The following SPTLC3 variants were observed in gnomAD, a reference collection of about 807,000 sequenced individuals.
SPTLC3 encodes serine palmitoyltransferase 3.
Under a neutral mutation model 59.3 loss-of-function variants are expected in SPTLC3, and 36 were observed. The observed-to-expected ratio is 0.61, with a 90% CI of 0.47 to 0.80. SPTLC3 has a LOEUF of 0.80. Ranked by LOEUF, SPTLC3 falls within the 30% of genes least tolerant of loss-of-function variation. SPTLC3 has a pLI of 0.00. For synonymous variants in SPTLC3, 257 were observed against 240.8 expected, an observed-to-expected ratio of 1.07 and a Z score of -0.62; for missense variants, 625 against 685.1, an observed-to-expected ratio of 0.91 and a Z score of 0.98.
At chr20:13,035,809 A>T (rs1407941577) in intron 1 of SPTLC3, among the ~76,000 whole-genome samples, 1 of 152,182 alleles carries the variant, frequency 6.6e-6, no homozygotes, top group Admixed American at 6.6e-5. Context: ...TATTTATAAA[A>T]TACATGTCAT....
At chr20:13,014,197 G>C (rs1449886104) in intron 1 of SPTLC3, among the ~76,000 whole-genome samples, 2 of 152,200 alleles carry the variant, frequency 1.3e-5, no homozygotes, top group African/African-American at 4.8e-5. Context: ...CTTTTTTCAT[G>C]ACAGAGGCTG....
intron 4 of SPTLC3, among the ~76,000 whole-genome samples, chr20:13,082,243 C>T (rs2122598317): frequency 6.6e-6 from 1 of 152,286 alleles, no homozygotes; most frequent in South Asian, 2.1e-4. Context: ...AGATGAGACA[C>T]ATGAAGCCCC....
intron 11 of SPTLC3, among the ~76,000 whole-genome samples, chr20:13,162,724 C>G (rs1366058097): frequency 2.6e-5 from 4 of 152,180 alleles, no homozygotes; most frequent in African/African-American, 7.2e-5. Context: ...TCTCGCCTTT[C>G]AGATAGAAAT....
intron 9 of SPTLC3, among the ~76,000 whole-genome samples, chr20:13,149,993 A>G (rs1477751081): frequency 6.6e-6 from 1 of 152,218 alleles, no homozygotes; most frequent in African/African-American, 2.4e-5. Flanking sequence ...TGATGAAGTC[A>G]TCTGTTCATT....
chr20:13,079,489 A>G (rs543597125), intron 4 of SPTLC3, among the ~76,000 whole-genome samples: 1 of 152,182 alleles, frequency 6.6e-6, no homozygotes, highest in Non-Finnish European at 1.5e-5. Flanking sequence ...AAAAACCACC[A>G]CCACCACCAC....
Position 13,123,597 on chromosome 20 carries a change from T to C in SPTLC3, c.1153-2994T>C, listed in dbSNP as rs142777437. 1.6e-3 allele frequency among the ~76,000 whole-genome samples: 248 copies of C among 152,310 alleles called. 1 individual carries two copies. The highest frequency in any genetic ancestry group is 5.7e-3 in the African/African-American group (237 of 41,568). On this transcript the variant is annotated intron_variant, in intron 8 of 11. Coordinates refer to ENST00000399002, the MANE Select transcript of SPTLC3 (RefSeq NM_018327.4). ...AGGCTGCACTGTAACTCCTGCGTTATATTCCCTCCAAGGGGACAGTTCCTC... is the reference window on the plus strand; with the variant it reads ...AGGCTGCACTGTAACTCCTGCGTTACATTCCCTCCAAGGGGACAGTTCCTC...
intron 2 of SPTLC3, among the ~76,000 whole-genome samples, chr20:13,070,924 C>T (rs1988411870): frequency 2.6e-5 from 4 of 152,104 alleles, no homozygotes; most frequent in African/African-American, 4.8e-5. Context: ...CCTGAGAACT[C>T]CCCAAGCATC....
chr20:13,013,050 G>A (rs546787277), intron 1 of SPTLC3, among the ~76,000 whole-genome samples: 3 of 152,356 alleles, frequency 2.0e-5, no homozygotes, highest in African/African-American at 7.2e-5. Context: ...AATAGGTCAT[G>A]TGACTTTTGA....
At chr20:13,079,869 T>C (rs1568592202) in intron 4 of SPTLC3, 1 of 406,282 alleles carries the variant, frequency 2.5e-6, no homozygotes, top group Non-Finnish European at 5.1e-6. Context: ...CTGTTGGAGG[T>C]GAGGCAGCCT....
chr20:13,043,225 C>A (rs557149349), intron 1 of SPTLC3, among the ~76,000 whole-genome samples: 1 of 152,292 alleles, frequency 6.6e-6, no homozygotes, highest in South Asian at 2.1e-4. Context: ...ATGGCCCTCT[C>A]GTTAGCTCCA....
At chr20:13,134,851 T>C (rs113049824) in intron 9 of SPTLC3, among the ~76,000 whole-genome samples, 1 of 152,180 alleles carries the variant, frequency 6.6e-6, no homozygotes, top group African/African-American at 2.4e-5. Flanking sequence ...TTTGGATCCA[T>C]TTCTTTAAAT....
chr20:13,141,474 G>T (rs1246131345), intron 9 of SPTLC3, among the ~76,000 whole-genome samples: 1 of 152,096 alleles, frequency 6.6e-6, no homozygotes, highest in East Asian at 1.9e-4. Flanking sequence ...ATACAAAACT[G>T]GTTTCCTACA....
rs749277943 is a variant in SPTLC3, at chr20:13,049,015, T to C, written c.188T>C (p.Met63Thr). ...TTTGAGGAAGCACCCCTTCATGTTA[T>C]GGTTTTCACTTACATGGGATATGGA... is the stretch of plus-strand genomic sequence containing the variant. ...ESFEEAPLHV[M>T]VFTYMGYGIG... The change falls in exon 2 of 12, where the codon ATG becomes ACG. Residue 63 changes from methionine to threonine, a missense_variant. Physicochemically the swap from Met to Thr is moderately conservative, Grantham distance 81. Transcript: ENST00000399002. 8 of 1,611,540 alleles carry C rather than the reference T, an allele frequency of 5.0e-6. No individual in the cohort carries two copies. The Admixed American group carries it at 8.4e-5, about 17-fold the overall frequency.
At chr20:13,153,591 A>G (rs1205693191) in intron 9 of SPTLC3, among the ~76,000 whole-genome samples, 2 of 152,200 alleles carry the variant, frequency 1.3e-5, no homozygotes, top group African/African-American at 4.8e-5. Flanking sequence ...AGCTTAGCTA[A>G]AAAGCATCTA....
At position 13,024,141 on chromosome 20, in the gene SPTLC3, C is replaced by T. The variant is rs57276564; in HGVS notation, c.117+14757C>T. ...CAACCACGTGAGGTTGATACTGTTA[C>T]TATCGTCATTTTTTAGATGACTAAA... On this transcript the variant is annotated intron_variant, in intron 1 of 11. Coordinates refer to ENST00000399002, the MANE Select transcript of SPTLC3 (RefSeq NM_018327.4). 3.2e-3 allele frequency among the ~76,000 whole-genome samples: 480 copies of T among 152,306 alleles called. 9 individuals carry two copies. Among genetic ancestry groups the T allele is most frequent in the Admixed American group, 0.021 (318 of 15,306 alleles).
intron 8 of SPTLC3, among the ~76,000 whole-genome samples, chr20:13,124,737 G>C (rs956738865): frequency 1.3e-5 from 2 of 152,182 alleles, no homozygotes; most frequent in African/African-American, 4.8e-5. Context: ...GAGAAACTGT[G>C]AATGTTGAAA....
intron 4 of SPTLC3, among the ~76,000 whole-genome samples, chr20:13,078,743 TC>T (rs57160486): frequency 0.047 from 7,090 of 152,194 alleles, 557 homozygotes; most frequent in African/African-American, 0.16. Flanking sequence ...CTTCTGGGTT[TC>T]AAGCTGTGAC....
intron 1 of SPTLC3, among the ~76,000 whole-genome samples, chr20:13,043,836 T>C (rs983538006): frequency 6.6e-6 from 1 of 152,200 alleles, no homozygotes; most frequent in Non-Finnish European, 1.5e-5. Context: ...CCTGTCCCAT[T>C]GCCTTCACAT....
chr20:13,136,449 A>G (rs1308378673), intron 9 of SPTLC3, among the ~76,000 whole-genome samples: 1 of 151,756 alleles, frequency 6.6e-6, no homozygotes, highest in Non-Finnish European at 1.5e-5. Flanking sequence ...CATACAAAAA[A>G]ATTAGATGGC....
Sources: gnomAD v4.1 joint callset for allele counts (sites outside exome capture counted in the v4.1 genomes callset) on GRCh38, gnomAD v4.1.1 for gene constraint, MANE v1.5 for transcripts, NCBI Gene and HGNC (gene_info 2026-07-23, HGNC 2026-07-21) for gene names.